The following BEND2 variants were observed in gnomAD, a reference collection of about 807,000 sequenced individuals.
BEND2 encodes BEN domain-containing protein 2.
BEND2 carries 19 observed loss-of-function variants against 43.8 expected under a neutral mutation model. That is an observed-to-expected ratio of 0.43 (90% confidence interval 0.30 to 0.64). BEND2 has a LOEUF of 0.64. Ranked by LOEUF, BEND2 falls within the 30% of genes least tolerant of loss-of-function variation. BEND2 has a pLI of 0.11. For synonymous variants in BEND2, 226 were observed against 210.1 expected (o/e 1.08, Z -0.66); for missense variants, 544 against 574.0 (o/e 0.95, Z 0.53).
At position 18,212,665 on chromosome X, in the gene BEND2, T is replaced by C. The variant is rs762839243; in HGVS notation, c.392A>G (p.Gln131Arg). 2.5e-6 allele frequency: 3 copies of C among 1,196,735 alleles called. No individual in the cohort carries two copies. In the South Asian group the frequency reaches 5.3e-5, roughly 21 times the overall value. The change falls in exon 4 of 14, where the codon CAA (glutamine) becomes CGA (arginine). Residue 131 changes from glutamine to arginine, a missense_variant. Physicochemically the swap from Gln to Arg is conservative, Grantham distance 43. Around this residue, in one of 2 missense-constraint regions of BEND2, gnomAD observed 501 missense variants for 501.6 expected, o/e 1.00. Coordinates refer to ENST00000380033, the MANE Select transcript of BEND2 (RefSeq NM_153346.5). ...TPPCPVAHGD[Q>R]IVSQINHPVH... Reference sequence around the variant, plus strand: ...TGGGTGGTTTATCTGTGAAACTATTTGGTCACCATGGGCTACTGTGAAGCA... The same window carrying C: ...TGGGTGGTTTATCTGTGAAACTATTCGGTCACCATGGGCTACTGTGAAGCA...
In BEND2 at chrX:18,190,991, T is replaced by C; in HGVS notation, c.1288+10A>G. 1 of 1,197,138 alleles carries C rather than the reference T, an allele frequency of 8.4e-7. No individual in the cohort carries two copies. The highest frequency in any genetic ancestry group is 1.7e-5 in the African/African-American group (1 of 57,452). ...AGTGCTACTTGTAACATATATCATT[T>C]CAAACTCACCAAAATCGGGAGTGAG... On this transcript the variant is annotated intron_variant, in intron 8 of 13. Coordinates refer to ENST00000380033, the MANE Select transcript of BEND2 (RefSeq NM_153346.5).
intron 1 of BEND2, among the ~76,000 whole-genome samples, chrX:18,219,363 C>T (rs1030679110): frequency 8.9e-6 from 1 of 112,886 alleles, no homozygotes; most frequent in Non-Finnish European, 1.9e-5. Context: ...GGGGGCCGGG[C>T]CCTCGCACGC....
intron 2 of BEND2, among the ~76,000 whole-genome samples, chrX:18,214,532 G>T: frequency 9.0e-6 from 1 of 110,805 alleles, no homozygotes; most frequent in Non-Finnish European, 1.9e-5. Context: ...TCCATAAAAA[G>T]TTCACCTATG....
intron 10 of BEND2, among the ~76,000 whole-genome samples, chrX:18,177,083 C>G (rs1429346964): frequency 9.1e-6 from 1 of 110,152 alleles, no homozygotes; most frequent in Non-Finnish European, 1.9e-5. Flanking sequence ...TTGTGGTATC[C>G]TTAGTATCCA....
At chrX:18,201,700 T>A (rs1255475452) in intron 6 of BEND2, 115 bp downstream of exon 6, 3 of 866,306 alleles carry the variant, frequency 3.5e-6, no homozygotes, top group Non-Finnish European at 4.7e-6. Context: ...ACCATGTTGG[T>A]CAGGCTGGTC....
rs765324205 is a variant in BEND2, at chrX:18,165,228, T to C, written c.2186-5A>G. The C allele has an allele frequency of 5.1e-6, 6 of 1,183,768 alleles. No homozygotes were observed. In the East Asian group the frequency reaches 1.8e-4, roughly 35 times the overall value. On this transcript the variant is annotated splice_polypyrimidine_tract_variant and splice_region_variant and intron_variant, in intron 13 of 13. Transcript: ENST00000380033. ...GGTAGTTTTCTTGGAGGAACTCTGA[T>C]GGTAAAGACCCAAGACATAACAGTT...
At position 18,165,140 on chromosome X, in the gene BEND2, C is replaced by A. The variant is rs1050510263; in HGVS notation, c.2269G>T (p.Gly757Cys). The change falls in exon 14 of 14, where the codon GGT (glycine) becomes TGT (cysteine). Residue 757 changes from glycine to cysteine, a missense_variant. Around this residue, in one of 2 missense-constraint regions of BEND2, gnomAD observed 43 missense variants for 72.4 expected, o/e 0.59. Transcript: ENST00000380033. ...WKSCVTSINS[G>C]IRSLRHDVRR... ...ACGTCATGTCTAAGGCTACGGATAC[C>A]GCTGTTGATGGAGGTCACACACGAC... is the stretch of plus-strand genomic sequence containing the variant. 1 of 1,209,985 alleles carries A rather than the reference C, an allele frequency of 8.3e-7. No homozygotes were observed. Among genetic ancestry groups the A allele is most frequent in the African/African-American group, 1.7e-5 (1 of 57,625 alleles).
intron 1 of BEND2, among the ~76,000 whole-genome samples, chrX:18,220,001 G>GC (rs781543009): frequency 0.012 from 1,327 of 111,032 alleles, 21 homozygotes; most frequent in African/African-American, 0.04. Flanking sequence ...CTCATTCCTC[G>GC]CCCCCCCATA....
intron 2 of BEND2, among the ~76,000 whole-genome samples, chrX:18,215,265 T>C (rs1480644708): frequency 8.9e-6 from 1 of 112,189 alleles, no homozygotes; most frequent in Non-Finnish European, 1.9e-5. Flanking sequence ...ACATACACTC[T>C]GTACCCATTA....
Position 18,195,340 on chromosome X carries a change from G to A in BEND2, c.1136C>T (p.Ala379Val). ...AAGATATGAAGAGGCTGGATATGGG[G>A]CACTCGTATTTCCCGATAAAGCTGG... is the stretch of plus-strand genomic sequence containing the variant. ...YYPALSGNTSAPYPASSYLPI... is the reference protein window; with the variant it reads ...YYPALSGNTSVPYPASSYLPI... The change falls in exon 7 of 14, where the codon GCC becomes GTC. Residue 379 changes from alanine to valine, a missense_variant. Around this residue, in one of 2 missense-constraint regions of BEND2, gnomAD observed 501 missense variants for 501.6 expected, o/e 1.00. Coordinates refer to ENST00000380033, the MANE Select transcript of BEND2 (RefSeq NM_153346.5). The A allele has an allele frequency of 3.3e-6, 4 of 1,208,412 alleles. No homozygotes were observed. Among genetic ancestry groups the A allele is most frequent in the South Asian group, 3.5e-5 (2 of 56,519 alleles).
chrX:18,186,965 T>TG (rs1375576611), intron 8 of BEND2, among the ~76,000 whole-genome samples: 4 of 98,962 alleles, frequency 4.0e-5, no homozygotes, highest in Non-Finnish European at 6.0e-5. Flanking sequence ...AGACCCTGTC[T>TG]GGAAAAAAAA....
intron 8 of BEND2, among the ~76,000 whole-genome samples, chrX:18,182,745 A>G (rs1410729573): frequency 1.8e-5 from 2 of 111,472 alleles, no homozygotes; most frequent in Non-Finnish European, 3.8e-5. Context: ...AACTGACAGG[A>G]CAACCTTACA....
At chrX:18,203,445 GT>G in intron 5 of BEND2, 55 bp downstream of exon 5, 1 of 1,102,640 alleles carries the variant, frequency 9.1e-7, no homozygotes, top group Non-Finnish European at 1.2e-6. Context: ...CATGAAGGGT[GT>G]TTTAAAATCT....
At chrX:18,171,496 C>G (rs1167766076) in intron 12 of BEND2, among the ~76,000 whole-genome samples, 2 of 111,188 alleles carry the variant, frequency 1.8e-5, no homozygotes, top group African/African-American at 6.5e-5. Flanking sequence ...GCCCACCCCA[C>G]CACACCCAGC....
chrX:18,192,575 C>T (rs1336123229), intron 7 of BEND2, among the ~76,000 whole-genome samples: 1 of 112,340 alleles, frequency 8.9e-6, no homozygotes, highest in Non-Finnish European at 1.9e-5. Flanking sequence ...TACTATACAA[C>T]CAAGCCTTTG....
chrX:18,203,557 T>G lies in BEND2; in HGVS notation c.851A>C (p.Asn284Thr), dbSNP rs148756419. The G allele has an allele frequency of 3.7e-5, 45 of 1,209,787 alleles. No individual in the cohort carries two copies. Among genetic ancestry groups the G allele is most frequent in the Admixed American group, 3.7e-4 (17 of 45,715 alleles). The stretch of plus-strand genomic sequence containing the variant: ...GGCTCTACCTGGGCCCACATTTTCA[T>G]TTTCTGGTAGAGCAGAGTAATTCAC... The part of the protein sequence containing the change: ...GVVNYSALPE[N>T]ENVGPGRALS... The change falls in exon 5 of 14, where the codon AAT (asparagine) becomes ACT (threonine). Residue 284 changes from asparagine (N) to threonine (T), a missense_variant. Asn to Thr is a moderately conservative substitution (Grantham distance 65). Around this residue, in one of 2 missense-constraint regions of BEND2, gnomAD observed 501 missense variants for 501.6 expected, o/e 1.00. Coordinates refer to ENST00000380033, the MANE Select transcript of BEND2 (RefSeq NM_153346.5).
chrX:18,190,800 A>C (rs2147409811), intron 8 of BEND2, among the ~76,000 whole-genome samples: 1 of 105,893 alleles, frequency 9.4e-6, no homozygotes, highest in Non-Finnish European at 2.0e-5. Flanking sequence ...ACTCACACAC[A>C]AATGAATACA....
Position 18,176,081 on chromosome X carries a change from G to T in BEND2, c.1643C>A (p.Thr548Lys). ...KMAALREYLA[T>K]TFPTCDLHEH... ...ATGCAAATCACAGGTGGGAAAAGTTGTTGCCAGATATTCTGCAAACAGCAG... is the reference window on the plus strand; with the variant it reads ...ATGCAAATCACAGGTGGGAAAAGTTTTTGCCAGATATTCTGCAAACAGCAG... The change falls in exon 11 of 14, where the codon ACA becomes AAA. Residue 548 changes from threonine to lysine, a missense_variant. This residue lies in a region of BEND2 where 501 missense variants were observed against 501.6 expected (regional missense o/e 1.00). Transcript: ENST00000380033. The T allele has an allele frequency of 8.4e-7, 1 of 1,193,254 alleles. No individual in the cohort carries two copies. The highest frequency in any genetic ancestry group is 1.1e-6 in the Non-Finnish European group (1 of 888,735).
chrX:18,200,619 C>T (rs1925112940), intron 6 of BEND2, among the ~76,000 whole-genome samples: 1 of 110,024 alleles, frequency 9.1e-6, no homozygotes, highest in Admixed American at 9.8e-5. Context: ...CCCAAAATTA[C>T]ATACTGTAAC....
Sources: allele counts gnomAD v4.1 joint callset (sites outside exome capture counted in the v4.1 genomes callset), GRCh38; gene constraint gnomAD v4.1.1; regional missense constraint gnomAD v4.1.1; transcripts MANE v1.5; gene names NCBI Gene and HGNC (gene_info 2026-07-23, HGNC 2026-07-21).